Variants in CDHR3 observed in about 807,000 individuals in gnomAD.
CDHR3 encodes the protein cadherin related family member 3, also known as cadherin-related family member 3.
In CDHR3, 79 loss-of-function variants were observed where a neutral mutation model predicts 86.6. The ratio of observed to expected loss-of-function variants is 0.91; its 90% CI spans 0.76 to 1.10. The LOEUF is 1.10. Ranked by LOEUF, CDHR3 falls within the 50% of genes least tolerant of loss-of-function variation. The pLI is 0.00. For synonymous variants in CDHR3, 421 were observed against 402.4 expected, an observed-to-expected ratio of 1.05 and a Z score of -0.55; for missense variants, 1,081 against 1,077.6, an observed-to-expected ratio of 1.00 and a Z score of -0.04.
At chr7:105,988,603 G>A (rs1483602469) in intron 4 of CDHR3, among the ~76,000 whole-genome samples, 1 of 152,208 alleles carries the variant, frequency 6.6e-6, no homozygotes, top group Non-Finnish European at 1.5e-5. Context: ...CTGTATCACA[G>A]TTAATGAAAA....
intron 13 of CDHR3, 29 bp downstream of exon 13, chr7:106,020,573 C>A: frequency 6.3e-7 from 1 of 1,595,032 alleles, no homozygotes; most frequent in Non-Finnish European, 8.6e-7. Context: ...ACAATCCTGG[C>A]CCTGTCTCTG....
chr7:105,965,073 G>T (rs760133277), intron 1 of CDHR3, among the ~76,000 whole-genome samples: 14 of 152,140 alleles, frequency 9.2e-5, no homozygotes, highest in Non-Finnish European at 1.6e-4. Flanking sequence ...GATCACAAAG[G>T]TTTGCAAGAA....
In CDHR3 at chr7:105,963,377, T is replaced by C; in HGVS notation, c.46+13T>C. ...GGTGCCATGTCAGGTAGGAACTCAA[T>C]TTTGCTTTGGAACCTTGCTTGCCTA... On this transcript the variant is annotated intron_variant, in intron 1 of 18. Coordinates refer to ENST00000317716, the MANE Select transcript of CDHR3 (RefSeq NM_152750.5). 6.2e-7 allele frequency: 1 copy of C among 1,613,696 alleles called. No homozygotes were observed. The highest frequency in any genetic ancestry group is 8.5e-7 in the Non-Finnish European group (1 of 1,179,628).
intron 3 of CDHR3, 44 bp from the exon 4 acceptor site, chr7:105,984,148 G>C: frequency 8.0e-7 from 1 of 1,251,978 alleles, no homozygotes; most frequent in Non-Finnish European, 1.1e-6. Context: ...CCCCATTTTT[G>C]CTTTAATAAG....
At chr7:106,025,184 C>T (rs565860254) in intron 15 of CDHR3, among the ~76,000 whole-genome samples, 14 of 152,262 alleles carry the variant, frequency 9.2e-5, no homozygotes, top group South Asian at 2.1e-4. Context: ...AGTAGAGTGA[C>T]GTGAAGAGAG....
chr7:106,000,375 A>G (rs576556227), intron 6 of CDHR3, among the ~76,000 whole-genome samples: 16 of 152,308 alleles, frequency 1.1e-4, no homozygotes, highest in Admixed American at 5.9e-4. Context: ...TGACTTAGCT[A>G]TTGATTCCCT....
At chr7:106,001,811 T>C (rs995530179) in intron 7 of CDHR3, among the ~76,000 whole-genome samples, 2 of 152,242 alleles carry the variant, frequency 1.3e-5, no homozygotes, top group Admixed American at 1.3e-4. Flanking sequence ...GTATATTTTA[T>C]ATTATCTCTA....
At chr7:105,986,998 A>T (rs1830620093) in intron 4 of CDHR3, among the ~76,000 whole-genome samples, 1 of 152,246 alleles carries the variant, frequency 6.6e-6, no homozygotes, top group South Asian at 2.1e-4. Context: ...AGTGGGGGAA[A>T]AGTGGAAAGA....
At chr7:106,011,978 C>A (rs1335335664) in intron 8 of CDHR3, among the ~76,000 whole-genome samples, 4 of 152,222 alleles carry the variant, frequency 2.6e-5, no homozygotes, top group Admixed American at 2.6e-4. Flanking sequence ...TCAAGGAATT[C>A]TCAATCTTCA....
chr7:106,003,098 T>C (rs138637830), intron 7 of CDHR3, among the ~76,000 whole-genome samples: 146 of 141,580 alleles, frequency 1.0e-3, no homozygotes, highest in African/African-American at 3.8e-3. Flanking sequence ...CATTCCACTC[T>C]ACTCCAGCCT....
rs150850686 is a variant in CDHR3 at position 105,974,715 on chromosome 7, T to C, written c.47-129T>C. The C allele has an allele frequency of 5.9e-4, 407 of 686,640 alleles. 6 individuals carry two copies. The East Asian group carries it at 0.011, about 18-fold the overall frequency. 42.5% of individuals were successfully genotyped at this position (686,640 alleles called of 1,614,324 possible). On this transcript the variant is annotated intron_variant, in intron 1 of 18. Coordinates refer to ENST00000317716, the MANE Select transcript of CDHR3 (RefSeq NM_152750.5). The stretch of plus-strand genomic sequence containing the variant: ...GCCAGCACTTGGCAAGAGCGTTTGT[T>C]CTCGGGGAGTGACCAGCTCTCATCG...
In CDHR3 at chr7:106,002,719, C is replaced by T. The variant is rs116777232; in HGVS notation, c.862+1109C>T. Among the ~76,000 whole-genome samples, 509 of 152,166 alleles carry T rather than the reference C, an allele frequency of 3.3e-3. 1 individual carries two copies. The highest frequency in any genetic ancestry group is 0.012 in the African/African-American group (478 of 41,506). ...AATAGGAATAGAATGAAGCCACTTA[C>T]GTAATTTCAAAGTCTCTAGTAGTCA... On this transcript the variant is annotated intron_variant, in intron 7 of 18. Coordinates refer to ENST00000317716, the MANE Select transcript of CDHR3 (RefSeq NM_152750.5).
At chr7:105,991,450 C>A (rs1479637097) in intron 4 of CDHR3, among the ~76,000 whole-genome samples, 2 of 152,108 alleles carry the variant, frequency 1.3e-5, no homozygotes, top group Admixed American at 6.6e-5. Flanking sequence ...AAAGAAAATT[C>A]TCATGTGCCT....
intron 4 of CDHR3, among the ~76,000 whole-genome samples, chr7:105,988,766 C>T (rs1215561986): frequency 6.6e-6 from 1 of 152,122 alleles, no homozygotes; most frequent in East Asian, 1.9e-4. Flanking sequence ...ATGAGTCCTG[C>T]ACATGTAATT....
Position 106,004,551 on chromosome 7 carries a change from A to G in CDHR3, c.916A>G (p.Arg306Gly). The change falls in exon 8 of 19, where the codon AGA (arginine) becomes GGA (glycine). Residue 306 changes from arginine (R) to glycine (G), a missense_variant. Coordinates refer to ENST00000317716, the MANE Select transcript of CDHR3 (RefSeq NM_152750.5). ...GATAGACCGAGATGCAGGTGAATTG[A>G]GACAAAATCCCACCATTTCCCTGGA... ...QRIDRDAGEL[R>G]QNPTISLEVL... 1 of 1,614,044 alleles carries G rather than the reference A, an allele frequency of 6.2e-7. No individual in the cohort carries two copies.
intron 1 of CDHR3, among the ~76,000 whole-genome samples, chr7:105,972,346 T>C (rs1213082813): frequency 6.6e-6 from 1 of 152,188 alleles, no homozygotes; most frequent in Non-Finnish European, 1.5e-5. Flanking sequence ...CCCTAGGCTA[T>C]TATTGAGAAA....
At position 106,015,114 on chromosome 7, in the gene CDHR3, A is replaced by C; in HGVS notation, c.1228A>C (p.Ile410Leu). 6.2e-7 allele frequency: 1 copy of C among 1,602,566 alleles called. No homozygotes were observed. The highest frequency in any genetic ancestry group is 2.2e-5 in the East Asian group (1 of 44,646). Residue 410 changes from isoleucine to leucine, a missense_variant, in exon 10 of 19, where the codon ATT becomes CTT. Coordinates refer to ENST00000317716, the MANE Select transcript of CDHR3 (RefSeq NM_152750.5). The part of the protein sequence containing the change: ...DPAGSGKIVL[I>L]GDLDYENPSN... ...TACTATCTCTGTTTTAATCTAGCTG[A>C]TTGGTGATCTAGACTACGAAAATCC...
Position 106,032,393 on chromosome 7 carries a change from T to C in CDHR3, c.2354T>C (p.Val785Ala). Residue 785 changes from valine to alanine, a missense_variant and splice_region_variant, in exon 19 of 19, where the codon GTG (valine) becomes GCG (alanine). Physicochemically the swap from Val to Ala is moderately conservative, Grantham distance 64. Transcript: ENST00000317716. Reference protein sequence around the residue: ...TIFDGEAIDPVTGETYEFNSK... With the variant: ...TIFDGEAIDPATGETYEFNSK... ...GATTGTTGTATTTTTTTTTCACTAG[T>C]GACCGGGGAAACATATGAATTCAAC... The C allele has an allele frequency of 6.2e-7, 1 of 1,602,538 alleles. No individual in the cohort carries two copies. Among genetic ancestry groups the C allele is most frequent in the South Asian group, 1.1e-5 (1 of 90,198 alleles).
chr7:105,999,750 C>T (rs181155220), intron 6 of CDHR3, among the ~76,000 whole-genome samples: 1 of 152,062 alleles, frequency 6.6e-6, no homozygotes, highest in African/African-American at 2.4e-5. Flanking sequence ...AAAGTCTATG[C>T]AGATTAGCTG....
Sources: allele counts gnomAD v4.1 joint callset (sites outside exome capture counted in the v4.1 genomes callset), GRCh38; gene constraint gnomAD v4.1.1; transcripts MANE v1.5; gene names NCBI Gene and HGNC (gene_info 2026-07-23, HGNC 2026-07-21).